The following LEO1 variants were observed in gnomAD, a reference collection of about 807,000 sequenced individuals.
LEO1 encodes the protein LEO1 component of Paf1/RNA polymerase II complex, also known as RNA polymerase-associated protein LEO1.
A neutral mutation model predicts 80.4 loss-of-function variants in LEO1; 34 were observed. That is an observed-to-expected ratio of 0.42 (90% CI 0.32 to 0.56). The LOEUF (loss-of-function observed/expected upper bound fraction) is 0.56, where lower values mean the gene tolerates loss of function less well. Ranked by LOEUF, LEO1 falls within the 20% of genes least tolerant of loss-of-function variation. The probability of loss-of-function intolerance (pLI) is 0.10; values close to 1 mark genes in which losing one functional copy is unlikely to be tolerated. For synonymous variants in LEO1, 262 were observed against 274.9 expected (o/e 0.95, Z 0.46); for missense variants, 631 against 814.2 (o/e 0.77, Z 2.74).
At chr15:51,969,789 C>T (rs1406365460) in intron 1 of LEO1, among the ~76,000 whole-genome samples, 1 of 147,340 alleles carries the variant, frequency 6.8e-6, no homozygotes, top group African/African-American at 2.5e-5. Context: ...TGCAGTGAGC[C>T]AAGATTGTAC....
intron 5 of LEO1, 73 bp downstream of exon 5, chr15:51,959,826 G>C: frequency 7.4e-7 from 1 of 1,350,324 alleles, no homozygotes; most frequent in African/African-American, 1.5e-5. Context: ...TCAACTCAAT[G>C]CGAAATAAGA....
Position 51,943,199 on chromosome 15 carries a change from G to A in LEO1, c.1896+4093C>T, listed in dbSNP as rs377609511. ...TCAAGACCAGCCTGGCCAACATAGTGAAACCCCATGTCTACTAAAAATACA... is the reference window on the plus strand; with the variant it reads ...TCAAGACCAGCCTGGCCAACATAGTAAAACCCCATGTCTACTAAAAATACA... On this transcript the variant is annotated intron_variant, in intron 11 of 11. Coordinates refer to ENST00000299601, the MANE Select transcript of LEO1 (RefSeq NM_138792.4). Among the ~76,000 whole-genome samples the A allele has an allele frequency of 6.6e-4, 100 of 151,674 alleles. 3 individuals carry two copies. In the South Asian group the frequency reaches 0.019, roughly 29 times the overall value.
chr15:51,962,559 C>T, intron 2 of LEO1, 66 bp from the exon 3 acceptor site: 2 of 1,120,200 alleles, frequency 1.8e-6, no homozygotes, highest in Non-Finnish European at 2.7e-6. Context: ...GTTTTAAAAG[C>T]AATATTGGAG....
chr15:51,946,338 C>T (rs765512414), intron 11 of LEO1, among the ~76,000 whole-genome samples: 6 of 151,978 alleles, frequency 3.9e-5, no homozygotes, highest in African/African-American at 1.4e-4. Context: ...GCTAGGATTA[C>T]AGGCATGCGC....
chr15:51,949,481 C>A (rs987554960), intron 10 of LEO1, among the ~76,000 whole-genome samples: 4 of 152,124 alleles, frequency 2.6e-5, no homozygotes, highest in East Asian at 3.9e-4. Flanking sequence ...GGGCAGATCA[C>A]TTGAGGTCAG....
At chr15:51,944,356 T>C (rs980305941) in intron 11 of LEO1, among the ~76,000 whole-genome samples, 2 of 152,022 alleles carry the variant, frequency 1.3e-5, no homozygotes, top group African/African-American at 4.8e-5. Flanking sequence ...ATAATAATAA[T>C]GGAAGCCAAA....
intron 11 of LEO1, among the ~76,000 whole-genome samples, chr15:51,940,745 A>C (rs1339102377): frequency 6.6e-6 from 1 of 151,940 alleles, no homozygotes; most frequent in African/African-American, 2.4e-5. Flanking sequence ...ACATGGTAAG[A>C]CATTTTGTCT....
chr15:51,939,433 T>C (rs1278096025), intron 11 of LEO1, among the ~76,000 whole-genome samples: 2 of 152,262 alleles, frequency 1.3e-5, no homozygotes, highest in African/African-American at 4.8e-5. Context: ...TGAAAGGCCA[T>C]AGAATTCAAA....
rs1458942138 is a variant in LEO1, at chr15:51,958,733, A to T, written c.1245+9T>A. On this transcript the variant is annotated intron_variant, in intron 6 of 11. Coordinates refer to ENST00000299601, the MANE Select transcript of LEO1 (RefSeq NM_138792.4). ...AAAAGAAAAAAAAGGAAAAAGCATG[A>T]AATGGTACCTTTAATTTTAACCTGG... The T allele has an allele frequency of 6.5e-7, 1 of 1,533,732 alleles. No homozygotes were observed. Among genetic ancestry groups the T allele is most frequent in the Admixed American group, 1.9e-5 (1 of 51,534 alleles).
chr15:51,943,724 G>C (rs939730057), intron 11 of LEO1, among the ~76,000 whole-genome samples: 3 of 149,450 alleles, frequency 2.0e-5, no homozygotes, highest in African/African-American at 4.9e-5. Context: ...AGAAAGAAAG[G>C]CATGATAACA....
intron 1 of LEO1, among the ~76,000 whole-genome samples, chr15:51,971,225 A>C (rs998880320): frequency 1.3e-5 from 2 of 152,122 alleles, no homozygotes; most frequent in African/African-American, 2.4e-5. Context: ...AGACATCTCA[A>C]GCTCCCTATC....
intron 6 of LEO1, among the ~76,000 whole-genome samples, chr15:51,956,496 T>C (rs1236824494): frequency 6.6e-6 from 1 of 151,362 alleles, no homozygotes; most frequent in East Asian, 1.9e-4. Flanking sequence ...CTTTCTATTA[T>C]ATAAAGTGAT....
Position 51,965,729 on chromosome 15 carries a change from G to C in LEO1, c.814+20C>G, listed in dbSNP as rs766411607. Reference sequence around the variant, plus strand: ...TGAATGCTTCTTTCTGAGCCATTCTGGTTCTCATAAATGTATTACCTGATT... The same window carrying C: ...TGAATGCTTCTTTCTGAGCCATTCTCGTTCTCATAAATGTATTACCTGATT... On this transcript the variant is annotated intron_variant, in intron 2 of 11. Transcript: ENST00000299601. 1.9e-6 allele frequency: 3 copies of C among 1,582,948 alleles called. No homozygotes were observed. The highest frequency in any genetic ancestry group is 2.6e-6 in the Non-Finnish European group (3 of 1,166,402).
At chr15:51,965,672 G>T (rs889670608) in intron 2 of LEO1, 77 bp downstream of exon 2, 3 of 1,507,152 alleles carry the variant, frequency 2.0e-6, no homozygotes, top group Admixed American at 4.6e-5. Context: ...AATAAAGATG[G>T]GAATAAAGAC....
chr15:51,947,646 A>G (rs976216219), intron 10 of LEO1, among the ~76,000 whole-genome samples: 11 of 151,112 alleles, frequency 7.3e-5, no homozygotes, highest in African/African-American at 2.7e-4. Flanking sequence ...CTGGTCTTGA[A>G]CTTCCTAAAA....
At chr15:51,958,301 A>AG in intron 6 of LEO1, among the ~76,000 whole-genome samples, 1 of 151,628 alleles carries the variant, frequency 6.6e-6, no homozygotes, top group Non-Finnish European at 1.5e-5. Context: ...ACAGAAAAAA[A>AG]AAAAAGGCTG....
chr15:51,965,633 G>C, intron 2 of LEO1, 116 bp downstream of exon 2: 1 of 1,371,194 alleles, frequency 7.3e-7, no homozygotes, highest in Non-Finnish European at 9.8e-7. Context: ...AAGTTTGAAA[G>C]GGAGGGGACA....
At chr15:51,951,323 G>A (rs941230908) in intron 9 of LEO1, among the ~76,000 whole-genome samples, 1 of 152,244 alleles carries the variant, frequency 6.6e-6, no homozygotes, top group African/African-American at 2.4e-5. Context: ...CTATCGATTA[G>A]GTACAATGCC....
At chr15:51,940,158 G>A (rs917355850) in intron 11 of LEO1, among the ~76,000 whole-genome samples, 1 of 151,254 alleles carries the variant, frequency 6.6e-6, no homozygotes, top group Non-Finnish European at 1.5e-5. Context: ...AGGAGGCTGA[G>A]GCAGGAGAAT....
Sources: allele counts gnomAD v4.1 joint callset (sites outside exome capture counted in the v4.1 genomes callset), GRCh38; gene constraint gnomAD v4.1.1; transcripts MANE v1.5; gene names NCBI Gene and HGNC (gene_info 2026-07-23, HGNC 2026-07-21).